RNF215: variants seen among roughly 807,000 people sequenced by gnomAD.
RNF215 encodes the protein ring finger protein 215.
A neutral mutation model predicts 44.8 loss-of-function variants in RNF215; 41 were observed. That is an observed-to-expected ratio of 0.92 (90% CI 0.71 to 1.19). RNF215 has a LOEUF of 1.19. RNF215 is among the 50% of genes most tolerant of loss of function. The probability of loss-of-function intolerance (pLI) is 0.00; values close to 1 mark genes in which losing one functional copy is unlikely to be tolerated. For missense variants in RNF215, 452 were observed against 496.2 expected, an observed-to-expected ratio of 0.91 and a Z score of 0.85; for synonymous variants, 218 against 230.1, an observed-to-expected ratio of 0.95 and a Z score of 0.48.
chr22:30,386,149 G>A lies in RNF215; in HGVS notation c.430-8C>T, dbSNP rs1933597034. 2 of 1,588,822 alleles carry A rather than the reference G, an allele frequency of 1.3e-6. No homozygotes were observed. Among genetic ancestry groups the A allele is most frequent in the South Asian group, 2.3e-5 (2 of 88,684 alleles). Reference sequence around the variant, plus strand: ...GAAGAGGGCCCGCCGCATCTGCAGAGGGATAGAAGGCGAGAGGCTAGCATA... The same window carrying A: ...GAAGAGGGCCCGCCGCATCTGCAGAAGGATAGAAGGCGAGAGGCTAGCATA... On this transcript the variant is annotated splice_region_variant and splice_polypyrimidine_tract_variant and intron_variant, in intron 2 of 8. Coordinates refer to ENST00000382363, the MANE Select transcript of RNF215 (RefSeq NM_001017981.2).
In RNF215 at chr22:30,386,121, C is replaced by T. The variant is rs370726182; in HGVS notation, c.450G>A (p.Leu150=). 1,444 of 1,592,564 alleles carry T rather than the reference C, an allele frequency of 9.1e-4. 1 individual carries two copies. The highest frequency in any genetic ancestry group is 1.2e-3 in the Non-Finnish European group (1,383 of 1,169,910). The change falls in exon 3 of 9, where the codon CTG becomes CTA. Residue 150 remains leucine, a synonymous_variant. Transcript: ENST00000382363. The part of the protein sequence containing the change: ...LVQQMRRALF[L]GASALLLLIL... ...TGAGAAGAAGCAGGGCAGAGGCACC[C>T]AGGAAGAGGGCCCGCCGCATCTGCA...
At position 30,384,435 on chromosome 22, in the gene RNF215, C is replaced by T. The variant is rs776853960; in HGVS notation, c.648G>A (p.Trp216Ter). 1.9e-6 allele frequency: 3 copies of T among 1,614,074 alleles called. No homozygotes were observed. Among genetic ancestry groups the T allele is most frequent in the Non-Finnish European group, 2.5e-6 (3 of 1,179,978 alleles). ...CACAGGTGGTCCACAAGGTCAACTT[C>T]CACTCGATATTGGCAGACAGGGACT... ...SGESLSANIE[W>*]KLTLWTTCGL... Residue 216 changes from tryptophan (W) to a stop codon, truncating the protein, a stop_gained, in exon 5 of 9, where the codon TGG becomes TGA. Coordinates refer to ENST00000382363, the MANE Select transcript of RNF215 (RefSeq NM_001017981.2). LOFTEE classifies it high-confidence loss of function.
At position 30,379,624 on chromosome 22, in the gene RNF215, T is replaced by C. The variant is rs1353029068; in HGVS notation, c.1112-2A>G. ...GCTAATCATCGGAGTAGCGGTTCCC[T>C]GCAGGGGAGGGGAAGAAGAACAGGG... On this transcript the variant is annotated splice_acceptor_variant, in intron 8 of 8. Transcript: ENST00000382363. LOFTEE classifies it high-confidence loss of function. 3 of 1,551,468 alleles carry C rather than the reference T, an allele frequency of 1.9e-6. No individual in the cohort carries two copies. The Admixed American group carries it at 5.9e-5, about 30-fold the overall frequency.
rs951826182 is a variant in RNF215 at position 30,379,778 on chromosome 22, G to A, written c.1044C>T (p.His348=). The A allele has an allele frequency of 3.2e-6, 5 of 1,570,052 alleles. No individual in the cohort carries two copies. The African/African-American group carries it at 4.0e-5, about 13-fold the overall frequency. ...LRVLPCKHEF[H]RDCVDPWLML... ...TCAGCCAGGGGTCCACACAGTCTCG[G>A]TGAAACTCGTGCTTACAGGGCAGCA... Residue 348 remains histidine (H), a synonymous_variant, in exon 8 of 9, where the codon CAC becomes CAT. Coordinates refer to ENST00000382363, the MANE Select transcript of RNF215 (RefSeq NM_001017981.2).
At position 30,380,721 on chromosome 22, in the gene RNF215, A is replaced by C. The variant is rs1490055299; in HGVS notation, c.745-320T>G. On this transcript the variant is annotated intron_variant, in intron 5 of 8. Coordinates refer to ENST00000382363, the MANE Select transcript of RNF215 (RefSeq NM_001017981.2). This position sits in a 1 kb window ranked among gnomAD's most constrained non-coding sequence, Gnocchi z 5.3. Reference sequence around the variant, plus strand: ...ATCTGGTAGCCTCAGAGACTCCCCAACCCAGCACCCAGCAACCCAGCACCC... The same window carrying C: ...ATCTGGTAGCCTCAGAGACTCCCCACCCCAGCACCCAGCAACCCAGCACCC... Among the ~76,000 whole-genome samples, 2 of 151,840 alleles carry C rather than the reference A, an allele frequency of 1.3e-5. No individual in the cohort carries two copies. Among genetic ancestry groups the C allele is most frequent in the African/African-American group, 4.8e-5 (2 of 41,288 alleles).
At position 30,379,389 on chromosome 22, in the gene RNF215, G is replaced by T; in HGVS notation, c.*211C>A. 1 of 619,750 alleles carries T rather than the reference G, an allele frequency of 1.6e-6. No homozygotes were observed. Among genetic ancestry groups the T allele is most frequent in the Non-Finnish European group, 2.8e-6 (1 of 355,926 alleles). The allele number at this position is 619,750 out of a possible 1,614,324, so 38.4% of individuals were successfully genotyped here. A position where few individuals can be genotyped will look rare whatever the true frequency, so the allele number is the denominator to read the frequency against. On this transcript the variant is annotated 3_prime_UTR_variant, in exon 9 of 9. Coordinates refer to ENST00000382363, the MANE Select transcript of RNF215 (RefSeq NM_001017981.2). ...CCAAAGTGACCTCTCTTCCTTGACT[G>T]ACAGGTCCCAGCCCTAGATCCTCAG...
chr22:30,380,311 G>T lies in RNF215; in HGVS notation c.835C>A (p.Arg279=), dbSNP rs372631963. 11 of 1,611,054 alleles carry T rather than the reference G, an allele frequency of 6.8e-6. No individual in the cohort carries two copies. The highest frequency in any genetic ancestry group is 9.3e-6 in the Non-Finnish European group (11 of 1,178,618). Residue 279 remains arginine (R), a synonymous_variant, in exon 6 of 9, where the codon CGG becomes AGG. Transcript: ENST00000382363. This position sits in a 1 kb window ranked among gnomAD's most constrained non-coding sequence, Gnocchi z 5.3. ...LVVQAQRQAS[R]QSQRELGGQV... ...CCTCCGAGCTCCCGCTGGCTCTGCC[G>T]CGACGCCTGCCGCTGGGCCTGGACC...
At chr22:30,381,525 G>A (rs537121577) in intron 5 of RNF215, among the ~76,000 whole-genome samples, 4 of 152,278 alleles carry the variant, frequency 2.6e-5, no homozygotes, top group South Asian at 2.1e-4. Flanking sequence ...AACACAGCAC[G>A]CTCCCTCCAG....
At chr22:30,385,255 A>C (rs1007813936) in intron 4 of RNF215, among the ~76,000 whole-genome samples, 2 of 151,768 alleles carry the variant, frequency 1.3e-5, no homozygotes, top group African/African-American at 4.8e-5. Context: ...CCCCGTCTCT[A>C]CTAAAAATAC....
At chr22:30,384,273 C>G (rs555969533) in intron 5 of RNF215, 66 bp downstream of exon 5, 1 of 1,512,130 alleles carries the variant, frequency 6.6e-7, no homozygotes, top group Non-Finnish European at 9.0e-7. Flanking sequence ...ATTTTCAATA[C>G]AAAGCCATGT....
intron 4 of RNF215, among the ~76,000 whole-genome samples, chr22:30,385,339 A>G (rs984471125): frequency 3.3e-5 from 5 of 151,270 alleles, no homozygotes; most frequent in African/African-American, 7.3e-5. Flanking sequence ...GGAGAATGGC[A>G]TGAACCCGGG....
chr22:30,384,262 G>T, intron 5 of RNF215, 77 bp downstream of exon 5: 2 of 1,464,424 alleles, frequency 1.4e-6, no homozygotes, highest in Non-Finnish European at 1.9e-6. Flanking sequence ...GAAGCCACAG[G>T]ATTTTCAATA....
rs534696732 is a variant in RNF215 at position 30,382,167 on chromosome 22, C to T, written c.745-1766G>A. Among the ~76,000 whole-genome samples, 12 of 152,178 alleles carry T rather than the reference C, an allele frequency of 7.9e-5. No homozygotes were observed. The East Asian group carries it at 1.4e-3, about 17-fold the overall frequency. On this transcript the variant is annotated intron_variant, in intron 5 of 8. Coordinates refer to ENST00000382363, the MANE Select transcript of RNF215 (RefSeq NM_001017981.2). ...CTATAATCCCAGCACTTTGGGAGGC[C>T]GAGGTGGGCGGATCACCTGAGGTTG...
intron 5 of RNF215, among the ~76,000 whole-genome samples, chr22:30,381,008 C>T (rs1933522962): frequency 6.6e-6 from 1 of 152,214 alleles, no homozygotes; most frequent in Non-Finnish European, 1.5e-5. Context: ...TGCCTGAGCT[C>T]CTTCCCTGCA....
At position 30,384,589 on chromosome 22, in the gene RNF215, C is replaced by T. The variant is rs1014581917; in HGVS notation, c.588-94G>A. 6.9e-5 allele frequency: 77 copies of T among 1,122,624 alleles called. 1 individual carries two copies. The highest frequency in any genetic ancestry group is 6.5e-4 in the South Asian group (43 of 66,642). The allele number at this position is 1,122,624 out of a possible 1,614,324, so 69.5% of individuals were successfully genotyped here. A position where few individuals can be genotyped will look rare whatever the true frequency, so the allele number is the denominator to read the frequency against. On this transcript the variant is annotated intron_variant, in intron 4 of 8. Coordinates refer to ENST00000382363, the MANE Select transcript of RNF215 (RefSeq NM_001017981.2). The stretch of plus-strand genomic sequence containing the variant: ...CAGCTCTGCAGGAAAAGGATACCTA[C>T]GACTGTCGCCCCTGCTGGCCTTACA...
intron 4 of RNF215, 90 bp from the exon 5 acceptor site, chr22:30,384,585 C>A: frequency 1.7e-6 from 2 of 1,185,136 alleles, no homozygotes; most frequent in Non-Finnish European, 1.2e-6. Context: ...GAAAAGGATA[C>A]CTACGACTGT....
At chr22:30,382,312 G>A (rs910162622) in intron 5 of RNF215, among the ~76,000 whole-genome samples, 1 of 151,778 alleles carries the variant, frequency 6.6e-6, no homozygotes, top group African/African-American at 2.4e-5. Context: ...GCTGAGGTAG[G>A]AGAATCGCTT....
At chr22:30,387,398 CGGGGCGGGGCGCCGGGA>C (rs577919640) in exon 1 of RNF215, 64 of 775,396 alleles carry the variant, frequency 8.3e-5, no homozygotes, top group South Asian at 2.6e-3. Context: ...CGCTGCCGGA[CGGGGCGGGGCGCCGGGA>C]GGGGCGGGGC....
At chr22:30,383,136 T>G (rs1442001743) in intron 5 of RNF215, among the ~76,000 whole-genome samples, 1 of 152,108 alleles carries the variant, frequency 6.6e-6, no homozygotes, top group Non-Finnish European at 1.5e-5. Context: ...GCACAGTGAC[T>G]GGGCCCTGGG....
Sources: gnomAD v4.1 joint callset for allele counts (sites outside exome capture counted in the v4.1 genomes callset) on GRCh38, gnomAD v4.1.1 for gene constraint, Gnocchi (gnomAD v3.1) non-coding constraint, MANE v1.5 for transcripts, NCBI Gene and HGNC (gene_info 2026-07-23, HGNC 2026-07-21) for gene names.